The following GBP7 variants were observed in gnomAD, a reference collection of about 807,000 sequenced individuals.
GBP7 encodes the protein guanylate-binding protein 7.
In GBP7, 43 loss-of-function variants were observed where a neutral mutation model predicts 61.3. That is an observed-to-expected ratio of 0.70 (90% CI 0.55 to 0.91). The LOEUF is 0.91. Ranked by LOEUF, GBP7 falls within the 40% of genes least tolerant of loss-of-function variation. The pLI is 0.00. For missense variants in GBP7, 717 were observed against 740.5 expected, an observed-to-expected ratio of 0.97 and a Z score of 0.37; for synonymous variants, 267 against 271.0, an observed-to-expected ratio of 0.99 and a Z score of 0.14.
chr1:89,144,686 A>G (rs919018529), intron 8 of GBP7, among the ~76,000 whole-genome samples: 5 of 152,220 alleles, frequency 3.3e-5, no homozygotes, highest in Admixed American at 6.5e-5. Context: ...AATGATTATT[A>G]TAATCAAGCT....
chr1:89,154,816 G>T (rs1015753615), intron 3 of GBP7, among the ~76,000 whole-genome samples: 8 of 71,318 alleles, frequency 1.1e-4, no homozygotes, highest in East Asian at 9.7e-4. Context: ...AAAAAATAAA[G>T]AAAACATTCC....
chr1:89,167,630 C>T (rs72963405), intron 2 of GBP7, among the ~76,000 whole-genome samples: 5,034 of 152,244 alleles, frequency 0.033, 274 homozygotes, highest in African/African-American at 0.11. Flanking sequence ...TGAGGGACTC[C>T]AGTCTCTGAA....
Position 89,150,430 on chromosome 1 carries a change from C to T in GBP7, c.771G>A (p.Leu257=), listed in dbSNP as rs777635078. ...LHVEEVREDQ[L]DSNFQMQSEN... ...CTGATTGCATCTGGAAATTACTATC[C>T]AGTTGGTCTTCTCGTACTTCTTCAA... Residue 257 remains leucine, a synonymous_variant, in exon 6 of 11, where the codon CTG becomes CTA. Coordinates refer to ENST00000294671, the MANE Select transcript of GBP7 (RefSeq NM_207398.3). 4.3e-6 allele frequency: 7 copies of T among 1,613,988 alleles called. No homozygotes were observed. Among genetic ancestry groups the T allele is most frequent in the East Asian group, 4.5e-5 (2 of 44,874 alleles).
chr1:89,164,720 C>G lies in GBP7; in HGVS notation c.318+11G>C. The G allele has an allele frequency of 6.2e-7, 1 of 1,613,040 alleles. No homozygotes were observed. The highest frequency in any genetic ancestry group is 8.5e-7 in the Non-Finnish European group (1 of 1,179,242). ...AAAGGTAAAGAAGATTTCTCTATGTCTCTTTCTTACCTTTTCCATATCACC... is the reference window on the plus strand; with the variant it reads ...AAAGGTAAAGAAGATTTCTCTATGTGTCTTTCTTACCTTTTCCATATCACC... On this transcript the variant is annotated intron_variant, in intron 3 of 10. Transcript: ENST00000294671.
chr1:89,152,303 T>C lies in GBP7; in HGVS notation c.590A>G (p.Asp197Gly). The change falls in exon 5 of 11, where the codon GAT (aspartate) becomes GGT (glycine). Residue 197 changes from aspartate to glycine, a missense_variant. This residue lies in a region of GBP7 where 387 missense variants were observed against 385.2 expected (regional missense o/e 1.00). Transcript: ENST00000294671. ...CTTCAAGGCATTCTCCAGGTACTCA[T>C]CTTCTGTGATGGGGTGTCCATCTAA... ...LKLDGHPITE[D>G]EYLENALKLI... 2 of 1,614,178 alleles carry C rather than the reference T, an allele frequency of 1.2e-6. No individual in the cohort carries two copies. The highest frequency in any genetic ancestry group is 1.7e-6 in the Non-Finnish European group (2 of 1,180,022).
At chr1:89,160,396 A>G (rs1419781191) in intron 3 of GBP7, among the ~76,000 whole-genome samples, 1 of 152,138 alleles carries the variant, frequency 6.6e-6, no homozygotes, top group East Asian at 1.9e-4. Flanking sequence ...ATATGTGAAG[A>G]TTTTAAAATT....
chr1:89,132,091 A>G lies in GBP7; in HGVS notation c.*58T>C, dbSNP rs1231303774. The G allele has an allele frequency of 4.0e-5, 56 of 1,389,242 alleles. No individual in the cohort carries two copies. Among genetic ancestry groups the G allele is most frequent in the East Asian group, 2.8e-4 (12 of 42,624 alleles). 86.1% of individuals were successfully genotyped at this position (1,389,242 alleles called of 1,614,324 possible). ...TAAACTTTTCTTAAATGAAACTGCA[A>G]TAACACATATACTTTTAAAATGAGC... On this transcript the variant is annotated 3_prime_UTR_variant, in exon 11 of 11. Transcript: ENST00000294671.
chr1:89,133,452 C>G lies in GBP7; in HGVS notation c.1469-1G>C. 6.2e-7 allele frequency: 1 copy of G among 1,613,552 alleles called. No homozygotes were observed. The highest frequency in any genetic ancestry group is 8.5e-7 in the Non-Finnish European group (1 of 1,179,784). ...GCTGCCTCCTTCTTAGCCTGCTTAG[C>G]TGTTCCACCGAGGTTTTACAGAGGG... On this transcript the variant is annotated splice_acceptor_variant, in intron 9 of 10. Transcript: ENST00000294671. LOFTEE classifies it high-confidence loss of function.
intron 5 of GBP7, among the ~76,000 whole-genome samples, chr1:89,151,711 T>A (rs1486762950): frequency 2.0e-5 from 3 of 152,176 alleles, no homozygotes; most frequent in Non-Finnish European, 4.4e-5. Flanking sequence ...AATAAAGGAT[T>A]TGACAGTCCT....
chr1:89,173,039 T>C (rs1429110013), intron 1 of GBP7, among the ~76,000 whole-genome samples: 2 of 152,164 alleles, frequency 1.3e-5, no homozygotes, highest in African/African-American at 4.8e-5. Flanking sequence ...CATTGAGAGC[T>C]TCTTCAAGCT....
chr1:89,163,179 G>T (rs1647323860), intron 3 of GBP7, among the ~76,000 whole-genome samples: 1 of 152,090 alleles, frequency 6.6e-6, no homozygotes. Context: ...TTTTGTTGAG[G>T]ATTTTTGCAT....
chr1:89,159,041 C>T (rs894541106), intron 3 of GBP7, among the ~76,000 whole-genome samples: 6 of 152,050 alleles, frequency 3.9e-5, no homozygotes, highest in African/African-American at 1.4e-4. Flanking sequence ...AAAACAGAGC[C>T]CTCGGAAATA....
intron 2 of GBP7, among the ~76,000 whole-genome samples, chr1:89,170,579 A>G (rs978090611): frequency 1.3e-5 from 2 of 152,188 alleles, no homozygotes; most frequent in African/African-American, 4.8e-5. Flanking sequence ...TCCAAGCACT[A>G]GGGAACACAA....
intron 9 of GBP7, among the ~76,000 whole-genome samples, chr1:89,135,850 T>A (rs1681788446): frequency 6.6e-6 from 1 of 152,058 alleles, no homozygotes; most frequent in African/African-American, 2.4e-5. Context: ...ACAACCCCAA[T>A]TAAAAGGCAC....
chr1:89,144,828 G>A (rs1682029960), intron 8 of GBP7, among the ~76,000 whole-genome samples: 2 of 151,976 alleles, frequency 1.3e-5, no homozygotes, highest in South Asian at 4.1e-4. Context: ...TATACACTAG[G>A]CATCCAGAAC....
intron 3 of GBP7, among the ~76,000 whole-genome samples, chr1:89,156,582 A>C (rs1682320384): frequency 6.6e-6 from 1 of 152,218 alleles, no homozygotes; most frequent in Admixed American, 6.5e-5. Context: ...ACAGACTTTA[A>C]ACAAACAAAG....
At chr1:89,147,353 A>G (rs922347619) in intron 8 of GBP7, among the ~76,000 whole-genome samples, 3 of 152,146 alleles carry the variant, frequency 2.0e-5, no homozygotes, top group Non-Finnish European at 4.4e-5. Flanking sequence ...TTTCATCCGG[A>G]CTTCTGATTC....
intron 2 of GBP7, 88 bp from the exon 3 acceptor site, chr1:89,164,946 G>C (rs777638343): frequency 2.2e-6 from 3 of 1,344,100 alleles, no homozygotes; most frequent in South Asian, 2.6e-5. Context: ...GGAACGTTAA[G>C]TTCCTGGCAG....
intron 7 of GBP7, 33 bp downstream of exon 7, chr1:89,149,259 G>A: frequency 6.4e-7 from 1 of 1,561,926 alleles, no homozygotes; most frequent in Middle Eastern, 2.2e-4. Context: ...CAGAAAGGCA[G>A]GAATCAAGAA....
Sources: gnomAD v4.1 joint callset for allele counts (sites outside exome capture counted in the v4.1 genomes callset) on GRCh38, gnomAD v4.1.1 for gene constraint, gnomAD v4.1.1 regional missense constraint, MANE v1.5 for transcripts, NCBI Gene and HGNC (gene_info 2026-07-23, HGNC 2026-07-21) for gene names.